The following CFAP58 variants were observed in gnomAD, a reference collection of about 807,000 sequenced individuals.
The protein encoded by CFAP58 is cilia and flagella associated protein 58.
CFAP58 carries 88 observed loss-of-function variants against 119.5 expected under a neutral mutation model. The ratio of observed to expected loss-of-function variants is 0.74; its 90% CI spans 0.62 to 0.88. The LOEUF (loss-of-function observed/expected upper bound fraction) is 0.88. Among genes scored for constraint, CFAP58 ranks in the 40% least tolerant of loss-of-function variants. The pLI, the probability that CFAP58 is intolerant of heterozygous loss-of-function variation, is 0.00. For missense variants in CFAP58, 990 were observed against 1,021.2 expected, an observed-to-expected ratio of 0.97 and a Z score of 0.42; for synonymous variants, 365 against 366.3, an observed-to-expected ratio of 1.00 and a Z score of 0.04.
intron 17 of CFAP58, 61 bp from the exon 18 acceptor site, chr10:104,454,361 A>G (rs2013243642): frequency 2.3e-6 from 3 of 1,326,612 alleles, no homozygotes; most frequent in Non-Finnish European, 3.3e-6. Context: ...TAGGATTATC[A>G]AATGTCAAAC....
At chr10:104,415,830 C>T (rs188333020) in intron 15 of CFAP58, among the ~76,000 whole-genome samples, 1 of 152,300 alleles carries the variant, frequency 6.6e-6, no homozygotes, top group Admixed American at 6.5e-5. Context: ...TTCTATCTGC[C>T]CGCTGCCATT....
At chr10:104,448,076 G>A (rs2133098997) in intron 16 of CFAP58, among the ~76,000 whole-genome samples, 1 of 152,350 alleles carries the variant, frequency 6.6e-6, no homozygotes, top group East Asian at 1.9e-4. Flanking sequence ...GATGACAACA[G>A]AATGGAGATG....
chr10:104,345,252 G>A, the CFAP58 span, among the ~76,000 whole-genome samples: 367 of 152,116 alleles, frequency 2.4e-3, 5 homozygotes, highest in African/African-American at 7.8e-3. Context: ...CTTTTTTTGA[G>A]TACTGATTGT....
chr10:104,435,547 A>G (rs538778285), intron 15 of CFAP58, among the ~76,000 whole-genome samples: 2 of 152,326 alleles, frequency 1.3e-5, no homozygotes, highest in South Asian at 2.1e-4. Flanking sequence ...TTTAGCCTCA[A>G]CCACATTTGA....
chr10:104,406,622 T>A (rs2012363227), intron 14 of CFAP58, 67 bp from the exon 15 acceptor site: 24 of 1,258,282 alleles, frequency 1.9e-5, no homozygotes, highest in Non-Finnish European at 2.6e-5. Flanking sequence ...ATGTGCATTT[T>A]ACATAGAGGC....
chr10:104,380,551 C>T (rs943502826), intron 9 of CFAP58, among the ~76,000 whole-genome samples: 1 of 152,082 alleles, frequency 6.6e-6, no homozygotes, highest in East Asian at 1.9e-4. Flanking sequence ...TCTCAACTCT[C>T]CAGTCTCCGC....
intron 9 of CFAP58, among the ~76,000 whole-genome samples, chr10:104,390,681 C>T (rs1366840802): frequency 5.3e-5 from 8 of 152,084 alleles, no homozygotes; most frequent in Non-Finnish European, 1.0e-4. Flanking sequence ...TGGAAGAATA[C>T]ATAGTAGATT....
chr10:104,449,040 G>A (rs72827910), intron 16 of CFAP58, among the ~76,000 whole-genome samples: 12,223 of 152,222 alleles, frequency 0.08, 696 homozygotes, highest in Non-Finnish European at 0.12. Flanking sequence ...AGGTTTAGAG[G>A]TGGGTGGTAC....
chr10:104,364,842 C>T lies in CFAP58; in HGVS notation c.550C>T (p.Gln184Ter). ...CCTAGCTCAGACCACTGAACAGCAG[C>T]AGGAAACAGAGCGATCAAAAGAGGA... ...ESLAQTTEQQQETERSKEEAE... is the reference protein window; with the variant it reads ...ESLAQTTEQQ The change falls in exon 4 of 18, where the codon CAG becomes TAG. Residue 184 changes from glutamine to a stop codon, truncating the protein, a stop_gained. Coordinates refer to ENST00000369704, the MANE Select transcript of CFAP58 (RefSeq NM_001008723.2). LOFTEE classifies it high-confidence loss of function. 1 of 1,611,864 alleles carries T rather than the reference C, an allele frequency of 6.2e-7. No individual in the cohort carries two copies. Among genetic ancestry groups the T allele is most frequent in the Non-Finnish European group, 8.5e-7 (1 of 1,178,980 alleles).
At chr10:104,452,515 C>T in intron 17 of CFAP58, among the ~76,000 whole-genome samples, 1 of 152,202 alleles carries the variant, frequency 6.6e-6, no homozygotes, top group East Asian at 1.9e-4. Flanking sequence ...GACTGCTAAT[C>T]TTGCTCCCTC....
At position 104,450,700 on chromosome 10, in the gene CFAP58, TA is replaced by T. The variant is rs1319170821; in HGVS notation, c.2510+497del. 5.9e-3 allele frequency among the ~76,000 whole-genome samples: 871 copies of T among 146,468 alleles called. 5 individuals are homozygous for T. Among genetic ancestry groups the T allele is most frequent in the South Asian group, 0.012 (57 of 4,736 alleles). ...TTATTTATTTATTTATTTATTTATT[TA>T]TTTATTTATTTTTGATTTTTTTTTG... is the stretch of plus-strand genomic sequence containing the variant. On this transcript the variant is annotated intron_variant, in intron 17 of 17. Coordinates refer to ENST00000369704, the MANE Select transcript of CFAP58 (RefSeq NM_001008723.2).
intron 15 of CFAP58, 50 bp from the exon 16 acceptor site, chr10:104,447,648 C>T: frequency 1.2e-6 from 2 of 1,601,512 alleles, no homozygotes; most frequent in Non-Finnish European, 1.7e-6. Flanking sequence ...GGCATTTTCC[C>T]TGTTTTGACG....
intron 10 of CFAP58, 33 bp from the exon 11 acceptor site, chr10:104,393,296 C>A (rs762218842): frequency 1.1e-5 from 18 of 1,592,332 alleles, no homozygotes; most frequent in South Asian, 2.2e-5. Flanking sequence ...ATGTCTAATT[C>A]ACTTTCAAAC....
chr10:104,341,424 G>A, the CFAP58 span, among the ~76,000 whole-genome samples: 1 of 151,818 alleles, frequency 6.6e-6, no homozygotes, highest in Non-Finnish European at 1.5e-5. Context: ...GTATCAAATA[G>A]TTATGGTCAA....
At chr10:104,431,090 G>A (rs906262616) in intron 15 of CFAP58, among the ~76,000 whole-genome samples, 1 of 152,188 alleles carries the variant, frequency 6.6e-6, no homozygotes, top group South Asian at 2.1e-4. Context: ...TTTACTGAGT[G>A]TATTTGATGT....
intron 8 of CFAP58, among the ~76,000 whole-genome samples, chr10:104,378,048 AATTTTAC>A (rs2011706652): frequency 6.6e-6 from 1 of 152,252 alleles, no homozygotes; most frequent in African/African-American, 2.4e-5. Context: ...GTGCAATAGT[AATTTTAC>A]ATTTATTTGT....
chr10:104,357,898 TGTACACATATAC>T lies in CFAP58; in HGVS notation c.10-442_10-431del, dbSNP rs2014585632. Reference sequence around the variant, plus strand: ...ATATGTACACATATATAAACATATATGTACACATATACACACATATATGTACACATATACACA... The same window carrying T: ...ATATGTACACATATATAAACATATATACACATATATGTACACATATACACA... On this transcript the variant is annotated intron_variant, in intron 1 of 17. Coordinates refer to ENST00000369704, the MANE Select transcript of CFAP58 (RefSeq NM_001008723.2). 1.8e-4 allele frequency among the ~76,000 whole-genome samples: 21 copies of T among 116,878 alleles called. 1 individual carries two copies. Among genetic ancestry groups the T allele is most frequent in the African/African-American group, 8.9e-4 (20 of 22,404 alleles). The allele number at this position is 116,878 out of a possible 152,430, so 76.7% of individuals were successfully genotyped here.
At chr10:104,371,171 C>A in intron 7 of CFAP58, 117 bp downstream of exon 7, 1 of 974,248 alleles carries the variant, frequency 1.0e-6, no homozygotes, top group Non-Finnish European at 1.5e-6. Context: ...ATCAGTAAAA[C>A]AACACTCACA....
chr10:104,345,142 G>A, the CFAP58 span, among the ~76,000 whole-genome samples: 1 of 150,754 alleles, frequency 6.6e-6, no homozygotes, highest in Non-Finnish European at 1.5e-5. Flanking sequence ...GTGAGACTCT[G>A]TCTCAAAAAA....
Sources: allele counts gnomAD v4.1 joint callset (sites outside exome capture counted in the v4.1 genomes callset), GRCh38; gene constraint gnomAD v4.1.1; transcripts MANE v1.5; gene names NCBI Gene and HGNC (gene_info 2026-07-23, HGNC 2026-07-21).